Variants in RDX observed in about 807,000 individuals in gnomAD.
The protein encoded by RDX is radixin.
A neutral mutation model predicts 83.7 loss-of-function variants in RDX; 32 were observed. That is an observed-to-expected ratio of 0.38 (90% confidence interval 0.29 to 0.51). The LOEUF (loss-of-function observed/expected upper bound fraction) is 0.51. Ranked by LOEUF, RDX falls within the 20% of genes least tolerant of loss-of-function variation. The pLI is 0.87. For synonymous variants in RDX, 229 were observed against 222.7 expected (o/e 1.03, Z -0.25); for missense variants, 600 against 689.9 (o/e 0.87, Z 1.46).
Position 110,273,908 on chromosome 11 carries a change from G to A in RDX, c.13-1289C>T, listed in dbSNP as rs569640226. On this transcript the variant is annotated intron_variant, in intron 2 of 13. Coordinates refer to ENST00000645495, the MANE Select transcript of RDX (RefSeq NM_002906.4). ...AAATTTTATATTAATACGTATTACTGCATTTGTTTTTATGTATCTTTTTCC... is the reference window on the plus strand; with the variant it reads ...AAATTTTATATTAATACGTATTACTACATTTGTTTTTATGTATCTTTTTCC... Among the ~76,000 whole-genome samples the A allele has an allele frequency of 1.4e-3, 207 of 152,142 alleles. 1 individual carries two copies. The highest frequency in any genetic ancestry group is 4.8e-3 in the African/African-American group (200 of 41,516).
Position 110,199,820 on chromosome 11 carries a change from T to A in RDX, c.1749-142A>T. On this transcript the variant is annotated intron_variant, in intron 14 of 15. Transcript: ENST00000528498. ...GCCTGGATTATGTAGGGCCTGTTAT[T>A]GTCAAACTGTCTGCCTAATCTTTAA... 3 of 654,782 alleles carry A rather than the reference T, an allele frequency of 4.6e-6. No homozygotes were observed. The South Asian group carries it at 4.9e-5, about 11-fold the overall frequency. The allele number at this position is 654,782 out of a possible 1,614,324, so 40.6% of individuals were successfully genotyped here.
intron 14 of RDX, among the ~76,000 whole-genome samples, chr11:110,207,569 C>T (rs1863651618): frequency 6.6e-6 from 1 of 152,172 alleles, no homozygotes. Flanking sequence ...TGGCCAAACC[C>T]AGCTTCCCAT....
intron 5 of RDX, among the ~76,000 whole-genome samples, chr11:110,262,125 A>C (rs1859831376): frequency 6.6e-6 from 1 of 152,236 alleles, no homozygotes; most frequent in Non-Finnish European, 1.5e-5. Flanking sequence ...CAGTAATCTA[A>C]GATGAAGAAT....
At chr11:110,201,177 C>CAAAA (rs34428422) in intron 14 of RDX, among the ~76,000 whole-genome samples, 33 of 81,982 alleles carry the variant, frequency 4.0e-4, no homozygotes, top group Non-Finnish European at 5.4e-4. Context: ...ACTCCCGTCT[C>CAAAA]AAAAAAAAAA....
chr11:110,263,981 T>C lies in RDX; in HGVS notation c.446A>G (p.Asn149Ser). Residue 149 changes from asparagine to serine, a missense_variant, in exon 5 of 14, where the codon AAT (asparagine) becomes AGT (serine). Transcript: ENST00000645495. ...KEIHKPGYLA[N>S]DRLLPQRVLE... is the part of the protein sequence containing the mutation. Reference sequence around the variant, plus strand: ...TTACCGCTGGGGTAGGAGTCTATCATTAGCCAGGTAGCCTGGCTTATGAAT... The same window carrying C: ...TTACCGCTGGGGTAGGAGTCTATCACTAGCCAGGTAGCCTGGCTTATGAAT... 1 of 1,613,830 alleles carries C rather than the reference T, an allele frequency of 6.2e-7. No homozygotes were observed. The highest frequency in any genetic ancestry group is 8.5e-7 in the Non-Finnish European group (1 of 1,179,770).
intron 14 of RDX, among the ~76,000 whole-genome samples, chr11:110,218,302 GCT>G (rs1184320755): frequency 1.3e-5 from 2 of 152,190 alleles, no homozygotes; most frequent in African/African-American, 4.8e-5. Flanking sequence ...CAAAGAAATT[GCT>G]CTTTTCAATG....
chr11:110,198,369 C>T (rs948781366), intron 15 of RDX, among the ~76,000 whole-genome samples: 11 of 151,998 alleles, frequency 7.2e-5, no homozygotes, highest in Admixed American at 7.2e-4. Flanking sequence ...CAGGTCAGTA[C>T]ATAATACTAT....
At chr11:110,286,627 A>G (rs887135391) in intron 1 of RDX, among the ~76,000 whole-genome samples, 1 of 152,204 alleles carries the variant, frequency 6.6e-6, no homozygotes, top group Non-Finnish European at 1.5e-5. Context: ...CCCTAAGCCT[A>G]ATTTTAATTA....
chr11:110,212,261 T>C (rs559249970), intron 14 of RDX, among the ~76,000 whole-genome samples: 1 of 152,080 alleles, frequency 6.6e-6, no homozygotes, highest in Non-Finnish European at 1.5e-5. Flanking sequence ...CCTGGACACA[T>C]ACATTCTCCC....
intron 14 of RDX, among the ~76,000 whole-genome samples, chr11:110,201,556 G>GGCA (rs1438204052): frequency 1.3e-5 from 2 of 152,136 alleles, no homozygotes; most frequent in South Asian, 2.1e-4. Context: ...TTTAGCTGAA[G>GGCA]GCAGCAGCAA....
chr11:110,266,515 T>A (rs1169891327), intron 3 of RDX, among the ~76,000 whole-genome samples: 1 of 150,904 alleles, frequency 6.6e-6, no homozygotes, highest in Non-Finnish European at 1.5e-5. Context: ...TACAGAAAGA[T>A]TCAATATCAG....
intron 2 of RDX, among the ~76,000 whole-genome samples, chr11:110,277,518 C>A (rs566741855): frequency 2.1e-4 from 32 of 152,092 alleles, no homozygotes; most frequent in Admixed American, 4.6e-4. Context: ...TGGGGTTTCA[C>A]CATGTTGGCC....
chr11:110,265,102 TTTTTTTG>T (rs1189496516), intron 3 of RDX, among the ~76,000 whole-genome samples: 2 of 84,508 alleles, frequency 2.4e-5, no homozygotes, highest in African/African-American at 6.8e-5. Context: ...AAGAAGTTTT[TTTTTTTG>T]TTTTTTTTTT....
chr11:110,206,388 T>A (rs1863604526), intron 14 of RDX, among the ~76,000 whole-genome samples: 1 of 152,088 alleles, frequency 6.6e-6, no homozygotes, highest in Non-Finnish European at 1.5e-5. Flanking sequence ...AAAATGGATG[T>A]GCATGTGTGT....
chr11:110,246,961 G>A (rs1859133419), intron 10 of RDX, among the ~76,000 whole-genome samples: 1 of 152,168 alleles, frequency 6.6e-6, no homozygotes, highest in African/African-American at 2.4e-5. Context: ...AAAGAGTGTA[G>A]ACTTCATGTT....
intron 2 of RDX, among the ~76,000 whole-genome samples, chr11:110,273,412 G>A (rs1565328344): frequency 6.6e-6 from 1 of 152,104 alleles, no homozygotes; most frequent in African/African-American, 2.4e-5. Flanking sequence ...ATTTTTTGTT[G>A]TTTTTAGAGA....
chr11:110,289,913 C>T (rs1227168973), intron 1 of RDX, among the ~76,000 whole-genome samples: 2 of 124,604 alleles, frequency 1.6e-5, no homozygotes, highest in Admixed American at 1.0e-4. Flanking sequence ...GAGCTGAGAT[C>T]ATGCCACTGC....
At chr11:110,227,755 G>C (rs1864479849), downstream of RDX, among the ~76,000 whole-genome samples, 1 of 152,026 alleles carries the variant, frequency 6.6e-6, no homozygotes, top group Non-Finnish European at 1.5e-5. Context: ...GCTAAATGAC[G>C]ACCATTAAAT....
chr11:110,252,680 T>C (rs1859386715), intron 9 of RDX, among the ~76,000 whole-genome samples: 1 of 152,306 alleles, frequency 6.6e-6, no homozygotes, highest in African/African-American at 2.4e-5. Context: ...AGAGTATTTT[T>C]AAAAAGCATT....
Sources: gnomAD v4.1 joint callset for allele counts (sites outside exome capture counted in the v4.1 genomes callset) on GRCh38, gnomAD v4.1.1 for gene constraint, MANE v1.5 for transcripts, NCBI Gene and HGNC (gene_info 2026-07-23, HGNC 2026-07-21) for gene names.